Variants in KIF13A observed in about 807,000 individuals in gnomAD.
KIF13A encodes the protein kinesin family member 13A, also known as kinesin-like protein KIF13A.
Under a neutral mutation model 212.2 loss-of-function variants are expected in KIF13A, and 79 were observed. The ratio of observed to expected loss-of-function variants is 0.37; its 90% CI spans 0.31 to 0.45. KIF13A has a LOEUF of 0.45. Ranked by LOEUF, KIF13A falls within the 20% of genes least tolerant of loss-of-function variation. The pLI is 1.00. For missense variants in KIF13A, 1,901 were observed against 2,209.0 expected, an observed-to-expected ratio of 0.86 and a Z score of 2.79; for synonymous variants, 789 against 808.6, an observed-to-expected ratio of 0.98 and a Z score of 0.41.
intron 38 of KIF13A, among the ~76,000 whole-genome samples, chr6:17,767,972 G>A (rs1481903637): frequency 6.6e-6 from 1 of 152,154 alleles, no homozygotes; most frequent in Non-Finnish European, 1.5e-5. Context: ...TCACAGTGGG[G>A]AAAATAACCC....
At chr6:17,802,151 T>C (rs1433903375) in intron 20 of KIF13A, among the ~76,000 whole-genome samples, 5 of 152,158 alleles carry the variant, frequency 3.3e-5, no homozygotes, top group Admixed American at 3.3e-4. Flanking sequence ...TCAGATCCAA[T>C]TTCCACACAG....
In KIF13A at chr6:17,871,863, A is replaced by G. The variant is rs1393728196; in HGVS notation, c.220+1514T>C. On this transcript the variant is annotated intron_variant, in intron 4 of 38. Coordinates refer to ENST00000259711, the MANE Select transcript of KIF13A (RefSeq NM_022113.6). This position sits in a 1 kb window ranked among gnomAD's most constrained non-coding sequence, Gnocchi z 4.4. ...CGGTTAATGACGGGTTTGTATAACC[A>G]TAGCATTTATCCCCATTTGTCTCTG... 3.9e-5 allele frequency among the ~76,000 whole-genome samples: 6 copies of G among 152,234 alleles called. No individual in the cohort carries two copies. Among genetic ancestry groups the G allele is most frequent in the Non-Finnish European group, 8.8e-5 (6 of 68,046 alleles).
At position 17,776,183 on chromosome 6, in the gene KIF13A, T is replaced by C. The variant is rs1759966738; in HGVS notation, c.4170+1094A>G. On this transcript the variant is annotated intron_variant, in intron 34 of 38. Coordinates refer to ENST00000259711, the MANE Select transcript of KIF13A (RefSeq NM_022113.6). This position sits in a 1 kb window ranked among gnomAD's most constrained non-coding sequence, Gnocchi z 4.6. The stretch of plus-strand genomic sequence containing the variant: ...GTGAGCCACCGTGCCCGATCTTCTT[T>C]ACTTTTTAAGCTAGATGTTTACCTA... Among the ~76,000 whole-genome samples the C allele has an allele frequency of 6.6e-6, 1 of 152,204 alleles. No individual in the cohort carries two copies. The highest frequency in any genetic ancestry group is 2.4e-5 in the African/African-American group (1 of 41,452).
chr6:17,842,859 T>G (rs1052994467), intron 9 of KIF13A, among the ~76,000 whole-genome samples: 1 of 149,494 alleles, frequency 6.7e-6, no homozygotes, highest in African/African-American at 2.4e-5. Context: ...TAATCCAACT[T>G]TTTTTTTTTT....
intron 2 of KIF13A, among the ~76,000 whole-genome samples, chr6:17,976,479 G>A (rs1027076847): frequency 6.6e-6 from 1 of 152,208 alleles, no homozygotes; most frequent in Non-Finnish European, 1.5e-5. Flanking sequence ...TGGCTGCTCC[G>A]AATGCGGGGC....
chr6:17,789,805 C>T lies in KIF13A; in HGVS notation c.3261+67G>A, dbSNP rs892858210. 7.1e-7 allele frequency: 1 copy of T among 1,404,896 alleles called. No homozygotes were observed. Among genetic ancestry groups the T allele is most frequent in the African/African-American group, 1.4e-5 (1 of 70,712 alleles). The allele number at this position is 1,404,896 out of a possible 1,614,324, so 87.0% of individuals were successfully genotyped here. A position where few individuals can be genotyped will look rare whatever the true frequency, so the allele number is the denominator to read the frequency against. On this transcript the variant is annotated intron_variant, in intron 26 of 38. Coordinates refer to ENST00000259711, the MANE Select transcript of KIF13A (RefSeq NM_022113.6). The surrounding 1 kb of genome is among the most constrained non-coding windows in gnomAD (Gnocchi z 4.8). ...CCTCCTTCCTCCTCCCTGGCCTCTGCTTTGCGAATGCTGGCAATTAGCAGT... is the reference window on the plus strand; with the variant it reads ...CCTCCTTCCTCCTCCCTGGCCTCTGTTTTGCGAATGCTGGCAATTAGCAGT...
rs182035995 is a variant in KIF13A, at chr6:17,801,434, G to A, written c.2455-1321C>T. 1.6e-4 allele frequency among the ~76,000 whole-genome samples: 24 copies of A among 152,212 alleles called. 1 individual carries two copies. The highest frequency in any genetic ancestry group is 5.2e-4 in the Admixed American group (8 of 15,284). On this transcript the variant is annotated intron_variant, in intron 20 of 38. Coordinates refer to ENST00000259711, the MANE Select transcript of KIF13A (RefSeq NM_022113.6). The stretch of plus-strand genomic sequence containing the variant: ...GCAGGACTGCTTGAACCCGCGAGGC[G>A]GAGGTTGCAGTGAGCCGAGATCGCA...
rs780716160 is a variant in KIF13A at position 17,837,534 on chromosome 6, C to G, written c.880G>C (p.Ala294Pro). 34 of 1,609,958 alleles carry G rather than the reference C, an allele frequency of 2.1e-5. No homozygotes were observed. Among genetic ancestry groups the G allele is most frequent in the Non-Finnish European group, 2.7e-5 (32 of 1,178,088 alleles). Residue 294 changes from alanine to proline, a missense_variant, in exon 10 of 39, where the codon GCT (alanine) becomes CCT (proline). Coordinates refer to ENST00000259711, the MANE Select transcript of KIF13A (RefSeq NM_022113.6). This position sits in a 1 kb window ranked among gnomAD's most constrained non-coding sequence, Gnocchi z 5.4. The part of the protein sequence containing the change: ...LVISSLADQA[A>P]GKGKSKFVPY... Reference sequence around the variant, plus strand: ...ACAAATTTGCTTTTACCCTTGCCAGCTGCCTGGTCAGCCAGTGATGATATA... The same window carrying G: ...ACAAATTTGCTTTTACCCTTGCCAGGTGCCTGGTCAGCCAGTGATGATATA...
intron 3 of KIF13A, among the ~76,000 whole-genome samples, chr6:17,891,594 C>G (rs1418843472): frequency 1.3e-5 from 2 of 152,020 alleles, no homozygotes; most frequent in Non-Finnish European, 2.9e-5. Context: ...CTCATCTTTA[C>G]AAAGAATTAA....
intron 13 of KIF13A, among the ~76,000 whole-genome samples, chr6:17,830,655 A>G (rs938443685): frequency 6.6e-6 from 1 of 152,196 alleles, no homozygotes; most frequent in Non-Finnish European, 1.5e-5. Context: ...CTAGAAGAAC[A>G]TTGTTGTCTA....
chr6:17,928,231 A>G (rs9371029), intron 2 of KIF13A, among the ~76,000 whole-genome samples: 77,016 of 152,072 alleles, frequency 0.51, 20,933 homozygotes, highest in Non-Finnish European at 0.61. Flanking sequence ...ACTACCCCTC[A>G]TGTGCATGCT....
In KIF13A at chr6:17,825,658, G is replaced by A. The variant is rs183920136; in HGVS notation, c.1786+110C>T. 952 of 994,954 alleles carry A rather than the reference G, an allele frequency of 9.6e-4. 5 individuals are homozygous for A. Among genetic ancestry groups the A allele is most frequent in the Middle Eastern group, 4.4e-3 (18 of 4,108 alleles). The allele number at this position is 994,954 out of a possible 1,614,324, so 61.6% of individuals were successfully genotyped here. ...CTTTTAAAGAAATGAGCAGTTTTATGTGTTTAAAATGTGGAATGCGGAATG... is the reference window on the plus strand; with the variant it reads ...CTTTTAAAGAAATGAGCAGTTTTATATGTTTAAAATGTGGAATGCGGAATG... On this transcript the variant is annotated intron_variant, in intron 16 of 38. Coordinates refer to ENST00000259711, the MANE Select transcript of KIF13A (RefSeq NM_022113.6). The surrounding 1 kb of genome is among the most constrained non-coding windows in gnomAD (Gnocchi z 4.5).
At chr6:17,922,124 G>A (rs1056018603) in intron 2 of KIF13A, among the ~76,000 whole-genome samples, 2 of 152,118 alleles carry the variant, frequency 1.3e-5, no homozygotes, top group South Asian at 2.1e-4. Flanking sequence ...AGGGCTCATC[G>A]ACAAGATCCT....
rs757635579 is a variant in KIF13A at position 17,855,552 on chromosome 6, A to G, written c.379T>C (p.Cys127Arg). 9.9e-6 allele frequency: 16 copies of G among 1,613,858 alleles called. No individual in the cohort carries two copies. The highest frequency in any genetic ancestry group is 1.3e-5 in the Non-Finnish European group (15 of 1,179,814). ...AAAGAGATCCTTTTAAATAAAGCAC[A>G]GCAGAGCCTTGGAATAAGGCCCAGC... Reference protein sequence around the residue: ...EQLGLIPRLCCALFKRISLEQ... With the variant: ...EQLGLIPRLCRALFKRISLEQ... Residue 127 changes from cysteine (C) to arginine (R), a missense_variant, in exon 6 of 39, where the codon TGT (cysteine) becomes CGT (arginine). By Grantham distance (180) the Cys-to-Arg change is radical (BLOSUM62 -3). This residue lies in a region of KIF13A where 506 missense variants were observed against 637.4 expected (regional missense o/e 0.79). Transcript: ENST00000259711. This position sits in a 1 kb window ranked among gnomAD's most constrained non-coding sequence, Gnocchi z 4.1.
rs1766254680 is a variant in KIF13A at position 17,839,046 on chromosome 6, C to G, written c.831-1463G>C. 6.6e-6 allele frequency among the ~76,000 whole-genome samples: 1 copy of G among 152,192 alleles called. No homozygotes were observed. On this transcript the variant is annotated intron_variant, in intron 9 of 38. Coordinates refer to ENST00000259711, the MANE Select transcript of KIF13A (RefSeq NM_022113.6). This position sits in a 1 kb window ranked among gnomAD's most constrained non-coding sequence, Gnocchi z 4.3. ...TGTTGCCCAGGCTGGTCTTGAACTC[C>G]TGATCTCAGGTGATCCACCCATCCT...
intron 2 of KIF13A, among the ~76,000 whole-genome samples, chr6:17,960,479 C>T (rs1778717206): frequency 6.6e-6 from 1 of 152,160 alleles, no homozygotes. Flanking sequence ...ATTAACTATG[C>T]ATTTATGAAT....
At chr6:17,908,282 C>T (rs577917818) in intron 2 of KIF13A, among the ~76,000 whole-genome samples, 5 of 152,260 alleles carry the variant, frequency 3.3e-5, no homozygotes, top group South Asian at 2.1e-4. Context: ...TCAATTGATA[C>T]TTATTATATT....
Position 17,929,300 on chromosome 6 carries a change from C to T in KIF13A, c.147-31120G>A, listed in dbSNP as rs541552924. ...CCAAGGCAAGGCTAGAATGCAGTGGCGCCATCATAGCTCATTGCAGCTTTG... is the reference window on the plus strand; with the variant it reads ...CCAAGGCAAGGCTAGAATGCAGTGGTGCCATCATAGCTCATTGCAGCTTTG... On this transcript the variant is annotated intron_variant, in intron 2 of 38. Coordinates refer to ENST00000259711, the MANE Select transcript of KIF13A (RefSeq NM_022113.6). Among the ~76,000 whole-genome samples, 8 of 152,154 alleles carry T rather than the reference C, an allele frequency of 5.3e-5. No homozygotes were observed. The South Asian group carries it at 8.3e-4, about 16-fold the overall frequency.
At chr6:17,801,102 T>C (rs928283276) in intron 20 of KIF13A, among the ~76,000 whole-genome samples, 2 of 152,156 alleles carry the variant, frequency 1.3e-5, no homozygotes, top group Non-Finnish European at 2.9e-5. Flanking sequence ...ATTCACTTAT[T>C]CATTTGACCA....
Sources: gnomAD v4.1 joint callset for allele counts (sites outside exome capture counted in the v4.1 genomes callset) on GRCh38, gnomAD v4.1.1 for gene constraint, gnomAD v4.1.1 regional missense constraint, Gnocchi (gnomAD v3.1) non-coding constraint, MANE v1.5 for transcripts, NCBI Gene and HGNC (gene_info 2026-07-23, HGNC 2026-07-21) for gene names.